The following LRRC37A2 variants were observed in gnomAD, a reference collection of about 807,000 sequenced individuals.
The protein encoded by LRRC37A2 is leucine rich repeat containing 37 member A2, also known as leucine-rich repeat-containing protein 37A2.
Under a neutral mutation model 68.8 loss-of-function variants are expected in LRRC37A2, and 9 were observed. That is an observed-to-expected ratio of 0.13 (90% CI 0.08 to 0.23). The LOEUF is 0.23. Ranked by LOEUF, LRRC37A2 falls within the 10% of genes least tolerant of loss-of-function variation. The pLI, the probability that LRRC37A2 is intolerant of heterozygous loss-of-function variation, is 1.00. For missense variants in LRRC37A2, 168 were observed against 950.4 expected (o/e 0.18, Z 10.82); for synonymous variants, 63 against 367.6 (o/e 0.17, Z 9.48).
the LRRC37A2 span, among the ~76,000 whole-genome samples, chr17:46,888,735 T>C: frequency 6.6e-6 from 1 of 152,042 alleles, no homozygotes; most frequent in Non-Finnish European, 1.5e-5. Context: ...GACAGAACTC[T>C]CTCCCTGCCC....
chr17:46,833,438 A>G, the LRRC37A2 span: 5 of 515,114 alleles, frequency 9.7e-6, no homozygotes, highest in Admixed American at 9.8e-5. Context: ...GAAGAATCAG[A>G]AGGTGAGTGT....
At chr17:46,876,911 A>C in the LRRC37A2 span, 413 of 1,360,082 alleles carry the variant, frequency 3.0e-4, 1 homozygote, top group Non-Finnish European at 3.6e-4. Context: ...CAACAAAGAG[A>C]AGCAAAGCCT....
chr17:46,714,964 T>G, the LRRC37A2 span, among the ~76,000 whole-genome samples: 1 of 152,226 alleles, frequency 6.6e-6, no homozygotes, highest in South Asian at 2.1e-4. Context: ...TATTGTAGAA[T>G]TCTTCGGTGT....
At chr17:46,749,859 C>T in the LRRC37A2 span, 3 of 1,614,032 alleles carry the variant, frequency 1.9e-6, no homozygotes, top group Non-Finnish European at 2.5e-6. Flanking sequence ...GCACCACCAT[C>T]CACGTGCCCA....
the LRRC37A2 span, among the ~76,000 whole-genome samples, chr17:46,892,072 C>A: frequency 6.6e-6 from 1 of 151,770 alleles, no homozygotes; most frequent in Non-Finnish European, 1.5e-5. Flanking sequence ...GTGTCCACCA[C>A]CATGTCCAGC....
the LRRC37A2 span, among the ~76,000 whole-genome samples, chr17:46,792,918 AG>A: frequency 1.3e-5 from 2 of 152,104 alleles, no homozygotes; most frequent in Non-Finnish European, 2.9e-5. Flanking sequence ...AGAGAGGCCA[AG>A]TGACTCGTCT....
the LRRC37A2 span, among the ~76,000 whole-genome samples, chr17:46,980,640 G>A: frequency 8.2e-6 from 1 of 122,422 alleles, no homozygotes; most frequent in East Asian, 2.8e-4. Context: ...GGCTAACACC[G>A]TGAAACCCTG....
chr17:47,025,572 C>A, the LRRC37A2 span, among the ~76,000 whole-genome samples: 6 of 151,862 alleles, frequency 4.0e-5, no homozygotes, highest in Admixed American at 3.3e-4. Flanking sequence ...GCCCCTAACT[C>A]TTCACTAATT....
At chr17:47,017,608 C>T in the LRRC37A2 span, 5 of 1,597,036 alleles carry the variant, frequency 3.1e-6, no homozygotes, top group Admixed American at 8.4e-5. Context: ...AAGCTGAGTC[C>T]ACAGGAAAGG....
the LRRC37A2 span, among the ~76,000 whole-genome samples, chr17:46,839,685 C>A: frequency 1.6e-4 from 24 of 152,076 alleles, no homozygotes; most frequent in Non-Finnish European, 2.6e-4. Flanking sequence ...CTCCCCCAGT[C>A]CCCCCCGCCA....
chr17:46,759,791 T>C, the LRRC37A2 span, among the ~76,000 whole-genome samples: 3 of 152,244 alleles, frequency 2.0e-5, no homozygotes, highest in Admixed American at 2.0e-4. Flanking sequence ...TTGAACTGTC[T>C]CACATGCTTT....
chr17:46,497,499 T>C, the LRRC37A2 span, among the ~76,000 whole-genome samples: 1 of 141,790 alleles, frequency 7.1e-6, no homozygotes, highest in Admixed American at 7.1e-5. Context: ...ATACCTAACC[T>C]ACCTACTTAG....
chr17:46,690,605 C>A, the LRRC37A2 span, among the ~76,000 whole-genome samples: 1 of 79,790 alleles, frequency 1.3e-5, no homozygotes, highest in Non-Finnish European at 2.7e-5. Context: ...GAGTGAGACT[C>A]CGTCTCAAAA....
At chr17:46,878,462 C>A in the LRRC37A2 span, among the ~76,000 whole-genome samples, 1 of 152,208 alleles carries the variant, frequency 6.6e-6, no homozygotes, top group Non-Finnish European at 1.5e-5. Flanking sequence ...ACTGCAGAGG[C>A]CCGGCTGAGA....
the LRRC37A2 span, chr17:46,935,981 GT>G: frequency 1.0e-6 from 1 of 985,926 alleles, no homozygotes; most frequent in Non-Finnish European, 1.2e-6. Context: ...CTTTATCTTA[GT>G]TTTTGTTGGA....
At chr17:46,963,619 C>G in the LRRC37A2 span, 3 of 151,798 alleles carry the variant, frequency 2.0e-5, no homozygotes, top group African/African-American at 7.3e-5. Flanking sequence ...ATAACAAGCA[C>G]TAATCATCCT....
the LRRC37A2 span, among the ~76,000 whole-genome samples, chr17:46,962,532 T>C: frequency 6.6e-6 from 1 of 152,182 alleles, no homozygotes; most frequent in Admixed American, 6.5e-5. Flanking sequence ...TGGAAACTGC[T>C]TTTGCACTTT....
the LRRC37A2 span, chr17:47,018,607 T>C: frequency 1.6e-5 from 24 of 1,520,308 alleles, no homozygotes; most frequent in Non-Finnish European, 2.2e-5. Flanking sequence ...GCTGGACCTT[T>C]AGCAGTTCAA....
the LRRC37A2 span, among the ~76,000 whole-genome samples, chr17:47,001,999 A>C: frequency 6.6e-6 from 1 of 151,908 alleles, no homozygotes; most frequent in Non-Finnish European, 1.5e-5. Flanking sequence ...TCGGCCCCCC[A>C]AAGTGCTGGG....
Sources: allele counts gnomAD v4.1 joint callset (sites outside exome capture counted in the v4.1 genomes callset), GRCh38; gene constraint gnomAD v4.1.1; transcripts MANE v1.5; gene names NCBI Gene and HGNC (gene_info 2026-07-23, HGNC 2026-07-21).